The following PEX5L variants were observed in gnomAD, a reference collection of about 807,000 sequenced individuals.
PEX5L encodes the protein PEX5-related protein.
Under a neutral mutation model 84.0 loss-of-function variants are expected in PEX5L, and 30 were observed. That is an observed-to-expected ratio of 0.36 (90% CI 0.27 to 0.48). The LOEUF (loss-of-function observed/expected upper bound fraction) is 0.48, where lower values mean the gene tolerates loss of function less well. Ranked by LOEUF, PEX5L falls within the 20% of genes least tolerant of loss-of-function variation. The probability of loss-of-function intolerance (pLI) is 0.99; values close to 1 mark genes in which losing one functional copy is unlikely to be tolerated. For missense variants in PEX5L, 533 were observed against 754.6 expected (o/e 0.71, Z 3.44); for synonymous variants, 270 against 283.1 (o/e 0.95, Z 0.46).
chr3:179,858,856 T>A (rs551587405), intron 8 of PEX5L, among the ~76,000 whole-genome samples: 10 of 152,216 alleles, frequency 6.6e-5, no homozygotes, highest in Non-Finnish European at 1.3e-4. Flanking sequence ...ATATTTGTCA[T>A]CCCTGGTGGG....
At chr3:179,855,194 T>C (rs1366833352) in intron 8 of PEX5L, among the ~76,000 whole-genome samples, 1 of 151,984 alleles carries the variant, frequency 6.6e-6, no homozygotes, top group African/African-American at 2.4e-5. Context: ...GTGCCGATCA[T>C]GAGGCAGGAT....
intron 2 of PEX5L, among the ~76,000 whole-genome samples, chr3:179,946,999 A>C (rs1359961771): frequency 1.3e-5 from 2 of 152,232 alleles, no homozygotes; most frequent in Non-Finnish European, 2.9e-5. Context: ...GCCTGGCTAC[A>C]AGGGGTTTCA....
At position 179,887,683 on chromosome 3, in the gene PEX5L, G is replaced by A. The variant is rs776743769; in HGVS notation, c.300C>T (p.Ser100=). Residue 100 remains serine (S), a synonymous_variant, in exon 4 of 15, where the codon TCC becomes TCT. Transcript: ENST00000467460. The part of the protein sequence containing the change: ...KSEAIARPVT[S]NTAVLTTGLD... ...AAGTGAGAGAATTACCAGCTGTATT[G>A]GATGTTACTGGCCTTGCTATTGCTT... 2.5e-6 allele frequency: 4 copies of A among 1,599,634 alleles called. No individual in the cohort carries two copies. The highest frequency in any genetic ancestry group is 3.4e-6 in the Non-Finnish European group (4 of 1,166,728).
At chr3:180,027,374 G>A (rs913640642) in intron 1 of PEX5L, among the ~76,000 whole-genome samples, 1 of 152,142 alleles carries the variant, frequency 6.6e-6, no homozygotes, top group African/African-American at 2.4e-5. Context: ...TAAGCTTACA[G>A]AAAAATTACA....
chr3:179,862,191 G>A (rs941453568), intron 7 of PEX5L, among the ~76,000 whole-genome samples: 5 of 152,038 alleles, frequency 3.3e-5, no homozygotes, highest in Admixed American at 6.5e-5. Context: ...TCAAAACTCC[G>A]TCTGCCTTAC....
intron 6 of PEX5L, among the ~76,000 whole-genome samples, chr3:179,874,749 T>TTTTTTTTG: frequency 7.4e-6 from 1 of 134,822 alleles, no homozygotes; most frequent in Non-Finnish European, 1.6e-5. Flanking sequence ...TTTTTTTTTT[T>TTTTTTTTG]TTTTTTTTTT....
At chr3:179,921,138 C>T (rs1271161026) in intron 2 of PEX5L, among the ~76,000 whole-genome samples, 2 of 151,954 alleles carry the variant, frequency 1.3e-5, no homozygotes, top group Non-Finnish European at 2.9e-5. Context: ...TACTTGGTAA[C>T]ATAATGGATG....
chr3:179,858,477 A>T (rs1567622), intron 8 of PEX5L, among the ~76,000 whole-genome samples: 1 of 151,976 alleles, frequency 6.6e-6, no homozygotes, highest in Non-Finnish European at 1.5e-5. Context: ...TTATTAGAAG[A>T]CTAAATACAG....
At chr3:179,978,960 A>G (rs1786058001) in intron 1 of PEX5L, among the ~76,000 whole-genome samples, 1 of 152,232 alleles carries the variant, frequency 6.6e-6, no homozygotes, top group Non-Finnish European at 1.5e-5. Context: ...TTGATCATCA[A>G]TGTTTCCTGC....
At chr3:179,987,571 T>C (rs1786969726) in intron 1 of PEX5L, among the ~76,000 whole-genome samples, 1 of 152,180 alleles carries the variant, frequency 6.6e-6, no homozygotes, top group Non-Finnish European at 1.5e-5. Flanking sequence ...CATGGATACA[T>C]CAGAACATTC....
At chr3:179,939,193 T>C (rs558924574) in intron 2 of PEX5L, among the ~76,000 whole-genome samples, 35 of 152,318 alleles carry the variant, frequency 2.3e-4, no homozygotes, top group Admixed American at 1.9e-3. Flanking sequence ...TAGGCATCCT[T>C]TGAAATGAAG....
At chr3:179,914,152 C>T (rs1277127865) in intron 2 of PEX5L, among the ~76,000 whole-genome samples, 1 of 152,168 alleles carries the variant, frequency 6.6e-6, no homozygotes, top group African/African-American at 2.4e-5. Flanking sequence ...AGTCTTATTA[C>T]AGGGTGCCAA....
intron 2 of PEX5L, among the ~76,000 whole-genome samples, chr3:179,908,881 G>A (rs530272276): frequency 1.2e-4 from 19 of 152,184 alleles, no homozygotes; most frequent in African/African-American, 4.6e-4. Context: ...TTGGACATTT[G>A]GGTTGGCTGT....
intron 2 of PEX5L, 108 bp downstream of exon 2, chr3:179,971,486 A>G (rs112376579): frequency 2.3e-6 from 3 of 1,329,640 alleles, no homozygotes; most frequent in Non-Finnish European, 2.9e-6. Flanking sequence ...TGCAGGCTTT[A>G]GTCAGACAGG....
chr3:179,945,386 G>T (rs1347465418), intron 2 of PEX5L, among the ~76,000 whole-genome samples: 2 of 152,192 alleles, frequency 1.3e-5, no homozygotes, highest in Non-Finnish European at 2.9e-5. Flanking sequence ...TCCTGGCTGA[G>T]ATCCTTTCCC....
At chr3:179,988,052 TATG>T (rs1169163022) in intron 1 of PEX5L, among the ~76,000 whole-genome samples, 3 of 152,268 alleles carry the variant, frequency 2.0e-5, no homozygotes, top group Non-Finnish European at 4.4e-5. Context: ...TTGTTAATCC[TATG>T]ATTTCATTTT....
chr3:179,882,982 T>G (rs1186553927), intron 4 of PEX5L, among the ~76,000 whole-genome samples: 1 of 151,994 alleles, frequency 6.6e-6, no homozygotes, highest in Non-Finnish European at 1.5e-5. Flanking sequence ...ACCTGTAGTC[T>G]CAGCTACTCG....
intron 9 of PEX5L, 112 bp downstream of exon 9, chr3:179,819,747 AT>A: frequency 1.1e-5 from 10 of 919,338 alleles, no homozygotes; most frequent in Non-Finnish European, 1.7e-5. Flanking sequence ...TTGACATTAA[AT>A]TGTCTTTTTA....
intron 1 of PEX5L, among the ~76,000 whole-genome samples, chr3:180,024,559 A>AAT (rs1491075614): frequency 6.9e-6 from 1 of 144,970 alleles, no homozygotes; most frequent in Non-Finnish European, 1.5e-5. Flanking sequence ...AAAAAAAAAA[A>AAT]ATAGAATAAA....
Sources: gnomAD v4.1 joint callset for allele counts (sites outside exome capture counted in the v4.1 genomes callset) on GRCh38, gnomAD v4.1.1 for gene constraint, MANE v1.5 for transcripts, NCBI Gene and HGNC (gene_info 2026-07-23, HGNC 2026-07-21) for gene names.